Variants in BMP2K observed in about 807,000 individuals in gnomAD.
BMP2K encodes the protein BMP2 inducible kinase, also known as BMP-2-inducible protein kinase.
In BMP2K, 74 loss-of-function variants were observed where a neutral mutation model predicts 116.0. The ratio of observed to expected loss-of-function variants is 0.64; its 90% CI spans 0.53 to 0.77. The LOEUF (loss-of-function observed/expected upper bound fraction) is 0.77, where lower values mean the gene tolerates loss of function less well. Among genes scored for constraint, BMP2K ranks in the 30% least tolerant of loss-of-function variants. The pLI is 0.00. For missense variants in BMP2K, 1,365 were observed against 1,403.6 expected (o/e 0.97, Z 0.44); for synonymous variants, 486 against 502.5 (o/e 0.97, Z 0.44).
intron 6 of BMP2K, among the ~76,000 whole-genome samples, chr4:78,850,005 C>A (rs1280432196): frequency 6.6e-6 from 1 of 151,468 alleles, no homozygotes; most frequent in Admixed American, 6.6e-5. Flanking sequence ...ATAATAAGGC[C>A]AAGTTTCGGT....
rs1375384213 is a variant in BMP2K at position 78,842,495 on chromosome 4, T to C, written c.514T>C (p.Cys172Arg). 8.2e-6 allele frequency: 13 copies of C among 1,594,824 alleles called. No individual in the cohort carries two copies. Among genetic ancestry groups the C allele is most frequent in the Non-Finnish European group, 1.1e-5 (13 of 1,166,100 alleles). ...TCEAVARLHQ[C>R]KTPIIHRDLK... ...TGAAGCTGTTGCAAGGTTGCATCAG[T>C]GTAAGACTCCAATAATTCACCGGGA... The change falls in exon 4 of 16, where the codon TGT becomes CGT. Residue 172 changes from cysteine (C) to arginine (R), a missense_variant. Around this residue, in one of 3 missense-constraint regions of BMP2K, gnomAD observed 762 missense variants for 756.7 expected, o/e 1.01. Coordinates refer to ENST00000502613, the MANE Select transcript of BMP2K (RefSeq NM_198892.2).
chr4:78,847,525 G>A (rs1160733013), intron 6 of BMP2K, among the ~76,000 whole-genome samples: 2 of 151,476 alleles, frequency 1.3e-5, no homozygotes, highest in African/African-American at 4.8e-5. Context: ...TATTTTTTGA[G>A]GATTTAGATT....
intron 12 of BMP2K, chr4:78,872,380 C>A: frequency 2.4e-5 from 4 of 163,940 alleles, no homozygotes; most frequent in East Asian, 1.4e-4. Flanking sequence ...TCTTAAAATA[C>A]TTAAAAGAGG....
intron 5 of BMP2K, among the ~76,000 whole-genome samples, 192 bp downstream of exon 5, chr4:78,845,241 T>G (rs377737885): frequency 1.3e-5 from 2 of 151,580 alleles, no homozygotes; most frequent in Non-Finnish European, 3.0e-5. Flanking sequence ...AGATGCAGAT[T>G]TTTTTAGTCT....
chr4:78,871,156 A>G (rs1307474555), intron 11 of BMP2K, 96 bp downstream of exon 11: 2 of 1,535,858 alleles, frequency 1.3e-6, no homozygotes, highest in Non-Finnish European at 1.7e-6. Context: ...GGCACCTTGA[A>G]CTCTAGATTT....
rs532949257 is a variant in BMP2K at position 78,882,660 on chromosome 4, G to A, written c.1951+3769G>A. ...TGCAAATAGTTGTATAGTTATACTC[G>A]TTAATTAAAACTATTACTTCATGAA... On this transcript the variant is annotated intron_variant, in intron 14 of 15. Transcript: ENST00000502613. Among the ~76,000 whole-genome samples, 8 of 151,916 alleles carry A rather than the reference G, an allele frequency of 5.3e-5. No homozygotes were observed. The East Asian group carries it at 1.4e-3, about 26-fold the overall frequency.
chr4:78,893,884 A>G (rs951118643), intron 15 of BMP2K, among the ~76,000 whole-genome samples: 3 of 152,194 alleles, frequency 2.0e-5, no homozygotes, highest in Non-Finnish European at 4.4e-5. Flanking sequence ...GAAAGACACA[A>G]TTACTGCTTG....
At chr4:78,777,857 GAA>G (rs1560494959) in intron 1 of BMP2K, among the ~76,000 whole-genome samples, 1 of 152,232 alleles carries the variant, frequency 6.6e-6, no homozygotes, top group East Asian at 1.9e-4. Context: ...GAAAGAGAAA[GAA>G]ATCGTGAATT....
intron 1 of BMP2K, among the ~76,000 whole-genome samples, chr4:78,797,721 C>A (rs768060024): frequency 3.9e-5 from 6 of 152,062 alleles, no homozygotes; most frequent in Non-Finnish European, 4.4e-5. Context: ...AAGCTTGTCA[C>A]ATATGTTTTA....
intron 13 of BMP2K, among the ~76,000 whole-genome samples, chr4:78,877,160 T>C (rs1732672673): frequency 6.6e-6 from 1 of 152,122 alleles, no homozygotes; most frequent in Non-Finnish European, 1.5e-5. Context: ...CCTAGGACAT[T>C]ACTGTACACT....
At chr4:78,825,279 G>A (rs1729816473) in intron 1 of BMP2K, among the ~76,000 whole-genome samples, 1 of 152,164 alleles carries the variant, frequency 6.6e-6, no homozygotes, top group African/African-American at 2.4e-5. Flanking sequence ...GACATTTACT[G>A]TATGAGTTCT....
At chr4:78,816,765 T>C (rs1003104806) in intron 1 of BMP2K, among the ~76,000 whole-genome samples, 4 of 146,610 alleles carry the variant, frequency 2.7e-5, no homozygotes, top group African/African-American at 1.1e-4. Flanking sequence ...AATTCCCTCT[T>C]ATGGGAAATC....
At chr4:78,856,032 C>A (rs931479112) in intron 7 of BMP2K, among the ~76,000 whole-genome samples, 1 of 151,992 alleles carries the variant, frequency 6.6e-6, no homozygotes, top group Non-Finnish European at 1.5e-5. Flanking sequence ...ATTCCTTAAT[C>A]CATTTCTTTT....
At chr4:78,776,836 T>A in intron 1 of BMP2K, 115 bp downstream of exon 1, 1 of 1,024,056 alleles carries the variant, frequency 9.8e-7, no homozygotes, top group Non-Finnish European at 1.2e-6. Flanking sequence ...CTTCCTCTGC[T>A]GCCGGGCCAG....
intron 1 of BMP2K, among the ~76,000 whole-genome samples, chr4:78,818,822 A>G: frequency 7.1e-6 from 1 of 141,746 alleles, no homozygotes; most frequent in Admixed American, 7.3e-5. Flanking sequence ...CCTGAGACAG[A>G]GTCTTGCTTT....
At chr4:78,898,552 G>A (rs1733830717) in intron 15 of BMP2K, among the ~76,000 whole-genome samples, 1 of 149,876 alleles carries the variant, frequency 6.7e-6, no homozygotes, top group Admixed American at 6.7e-5. Flanking sequence ...ATACAGTCTA[G>A]AAAGATTACA....
intron 1 of BMP2K, among the ~76,000 whole-genome samples, chr4:78,805,166 TTA>T (rs1728755925): frequency 6.6e-6 from 1 of 152,226 alleles, no homozygotes; most frequent in Non-Finnish European, 1.5e-5. Context: ...ATTGAAAAGG[TTA>T]GTCTTTCCTC....
intron 3 of BMP2K, among the ~76,000 whole-genome samples, chr4:78,834,290 C>T (rs2031053949): frequency 6.8e-6 from 1 of 147,344 alleles, no homozygotes; most frequent in East Asian, 2.0e-4. Context: ...GAGACGGAGT[C>T]TCGCTCTGTC....
Position 78,874,201 on chromosome 4 carries a change from A to AC in BMP2K, c.1793+1403_1793+1404insC, listed in dbSNP as rs1732526410. Among the ~76,000 whole-genome samples the AC allele has an allele frequency of 7.2e-4, 110 of 151,984 alleles. 2 individuals carry two copies. The highest frequency in any genetic ancestry group is 6.6e-3 in the Admixed American group (101 of 15,276). On this transcript the variant is annotated intron_variant, in intron 13 of 15. Transcript: ENST00000502613. ...CACACACACACACACACACACACAC[A>AC]AAAAGTTCAGATCAGTATTTGCCGA... is the stretch of plus-strand genomic sequence containing the variant.
Sources: gnomAD v4.1 joint callset for allele counts (sites outside exome capture counted in the v4.1 genomes callset) on GRCh38, gnomAD v4.1.1 for gene constraint, gnomAD v4.1.1 regional missense constraint, MANE v1.5 for transcripts, NCBI Gene and HGNC (gene_info 2026-07-23, HGNC 2026-07-21) for gene names.